LRRC37A2: variants seen among roughly 807,000 people sequenced by gnomAD.
The protein encoded by LRRC37A2 is leucine-rich repeat-containing protein 37A2.
Under a neutral mutation model 68.8 loss-of-function variants are expected in LRRC37A2, and 9 were observed. That is an observed-to-expected ratio of 0.13 (90% confidence interval 0.08 to 0.23). The LOEUF is 0.23. LRRC37A2 is among the 10% of genes least tolerant of loss of function. LRRC37A2 has a pLI of 1.00. For missense variants in LRRC37A2, 168 were observed against 950.4 expected, an observed-to-expected ratio of 0.18 and a Z score of 10.82; for synonymous variants, 63 against 367.6, an observed-to-expected ratio of 0.17 and a Z score of 9.48.
At chr17:46,377,725 A>G in the LRRC37A2 span, among the ~76,000 whole-genome samples, 2 of 59,464 alleles carry the variant, frequency 3.4e-5, 1 homozygote, top group Non-Finnish European at 1.5e-4. Context: ...ATGTGCCACC[A>G]CGCCCAGCTA....
the LRRC37A2 span, chr17:46,764,704 C>G: frequency 6.6e-6 from 1 of 152,276 alleles, no homozygotes; most frequent in African/African-American, 2.4e-5. Flanking sequence ...TCAGAGGCTG[C>G]TGATGGATCT....
chr17:46,909,679 T>G, the LRRC37A2 span: 98,180 of 152,082 alleles, frequency 0.65, 31,952 homozygotes, highest in Non-Finnish European at 0.67. Context: ...CTTTATTTTT[T>G]GTTTAACTTT....
At chr17:46,864,554 C>T in the LRRC37A2 span, among the ~76,000 whole-genome samples, 1 of 152,174 alleles carries the variant, frequency 6.6e-6, no homozygotes, top group Non-Finnish European at 1.5e-5. Flanking sequence ...CTTTCTCTCC[C>T]TTCCTGAGGG....
At chr17:47,033,645 C>T in the LRRC37A2 span, among the ~76,000 whole-genome samples, 34 of 152,322 alleles carry the variant, frequency 2.2e-4, no homozygotes, top group South Asian at 2.3e-3. Flanking sequence ...ATGCTCCAGT[C>T]CTTTCATCTC....
At chr17:46,890,570 G>A in the LRRC37A2 span, among the ~76,000 whole-genome samples, 1 of 152,190 alleles carries the variant, frequency 6.6e-6, no homozygotes, top group African/African-American at 2.4e-5. Flanking sequence ...AGAATTCCCA[G>A]GGCTGTGAAA....
the LRRC37A2 span, chr17:46,940,452 T>C: frequency 6.2e-7 from 1 of 1,608,508 alleles, no homozygotes; most frequent in African/African-American, 1.3e-5. Flanking sequence ...GACATTTCCA[T>C]TACACACAGC....
chr17:47,019,626 C>G, the LRRC37A2 span: 1 of 1,436,158 alleles, frequency 7.0e-7, no homozygotes, highest in African/African-American at 1.4e-5. Context: ...AAGTTACATC[C>G]AAGATAAGGC....
chr17:46,743,866 G>A, the LRRC37A2 span, among the ~76,000 whole-genome samples: 3 of 152,052 alleles, frequency 2.0e-5, no homozygotes, highest in South Asian at 2.1e-4. Flanking sequence ...TTAGCATCCC[G>A]AGTCTGCCTT....
At chr17:46,492,679 GTTTTGTT>G in the LRRC37A2 span, among the ~76,000 whole-genome samples, 3 of 139,452 alleles carry the variant, frequency 2.2e-5, no homozygotes. Flanking sequence ...TATTTTCAGG[GTTTTGTT>G]TTGTTTTTTT....
At chr17:47,010,009 C>T in the LRRC37A2 span, among the ~76,000 whole-genome samples, 2 of 152,154 alleles carry the variant, frequency 1.3e-5, no homozygotes, top group African/African-American at 2.4e-5. Flanking sequence ...GATGGTTGAC[C>T]GATGCTGACT....
chr17:46,972,278 C>G, the LRRC37A2 span, among the ~76,000 whole-genome samples: 1 of 152,200 alleles, frequency 6.6e-6, no homozygotes, highest in South Asian at 2.1e-4. Context: ...CCATCTTCTC[C>G]CTGCTGTCCT....
the LRRC37A2 span, chr17:46,714,029 T>A: frequency 6.6e-7 from 1 of 1,507,366 alleles, no homozygotes; most frequent in Non-Finnish European, 9.0e-7. Flanking sequence ...ATCTCTTAAA[T>A]GTGTGTGTGT....
the LRRC37A2 span, among the ~76,000 whole-genome samples, chr17:46,790,987 C>T: frequency 1.3e-5 from 2 of 152,178 alleles, no homozygotes; most frequent in East Asian, 3.9e-4. Context: ...CTGGGGTTTT[C>T]CTCTTTTCTT....
At chr17:46,763,843 A>AAAAAC in the LRRC37A2 span, 1 of 149,322 alleles carries the variant, frequency 6.7e-6, no homozygotes, top group African/African-American at 2.5e-5. Context: ...AAAAAAAAAA[A>AAAAAC]AAACAAAAAA....
At chr17:46,714,019 A>G in the LRRC37A2 span, 10 of 1,590,412 alleles carry the variant, frequency 6.3e-6, no homozygotes, top group South Asian at 3.5e-5. Flanking sequence ...TTAATTTCCT[A>G]TCTCTTAAAT....
chr17:46,846,437 T>C, the LRRC37A2 span, among the ~76,000 whole-genome samples: 4 of 152,232 alleles, frequency 2.6e-5, no homozygotes, highest in Admixed American at 2.6e-4. Context: ...GTGTCTGCAG[T>C]CTACACATAG....
At chr17:46,818,181 A>C in the LRRC37A2 span, among the ~76,000 whole-genome samples, 1 of 152,156 alleles carries the variant, frequency 6.6e-6, no homozygotes, top group African/African-American at 2.4e-5. Context: ...CTGGATTTCC[A>C]GAAACCCAAC....
the LRRC37A2 span, among the ~76,000 whole-genome samples, chr17:46,494,630 GT>G: frequency 1.3e-5 from 2 of 151,490 alleles, no homozygotes; most frequent in African/African-American, 4.9e-5. Context: ...ACAAACCCAA[GT>G]TCACAAAGAT....
chr17:46,808,023 G>A, the LRRC37A2 span, among the ~76,000 whole-genome samples: 1 of 152,234 alleles, frequency 6.6e-6, no homozygotes, highest in Non-Finnish European at 1.5e-5. Context: ...CTGCCCAGCT[G>A]CTTTCTAGCA....
Sources: allele counts gnomAD v4.1 joint callset (sites outside exome capture counted in the v4.1 genomes callset), GRCh38; gene constraint gnomAD v4.1.1; transcripts MANE v1.5; gene names NCBI Gene and HGNC (gene_info 2026-07-23, HGNC 2026-07-21).